The following ATG2B variants were observed in gnomAD, a reference collection of about 807,000 sequenced individuals.
ATG2B encodes the protein autophagy-related protein 2 homolog B.
In ATG2B, 121 loss-of-function variants were observed where a neutral mutation model predicts 241.3. The ratio of observed to expected loss-of-function variants is 0.50; its 90% CI spans 0.43 to 0.58. The LOEUF (loss-of-function observed/expected upper bound fraction) is 0.58. Ranked by LOEUF, ATG2B falls within the 20% of genes least tolerant of loss-of-function variation. The pLI is 0.00. For missense variants in ATG2B, 2,306 were observed against 2,491.6 expected (o/e 0.93, Z 1.59); for synonymous variants, 858 against 876.6 (o/e 0.98, Z 0.37).
At chr14:96,324,933 T>G (rs563465950) in intron 15 of ATG2B, among the ~76,000 whole-genome samples, 6 of 152,124 alleles carry the variant, frequency 3.9e-5, no homozygotes, top group Non-Finnish European at 5.9e-5. Context: ...AGAGAGGGTG[T>G]CGTGGCAGAG....
At position 96,290,310 on chromosome 14, in the gene ATG2B, T is replaced by C. The variant is rs1886449309; in HGVS notation, c.5856+126A>G. The C allele has an allele frequency of 7.5e-7, 1 of 1,332,750 alleles. No homozygotes were observed. Among genetic ancestry groups the C allele is most frequent in the Non-Finnish European group, 1.0e-6 (1 of 985,430 alleles). The allele number at this position is 1,332,750 out of a possible 1,614,324, so 82.6% of individuals were successfully genotyped here. A position where few individuals can be genotyped will look rare whatever the true frequency, so the allele number is the denominator to read the frequency against. On this transcript the variant is annotated intron_variant, in intron 40 of 41. Transcript: ENST00000359933. The surrounding 1 kb of genome is among the most constrained non-coding windows in gnomAD (Gnocchi z 4.4). The stretch of plus-strand genomic sequence containing the variant: ...GCAATAAAACAAGCATGACATTAAA[T>C]CACTACGAATAAAGTATCTACTCAC...
chr14:96,319,073 G>A (rs936882997), intron 18 of ATG2B, among the ~76,000 whole-genome samples: 8 of 152,158 alleles, frequency 5.3e-5, no homozygotes, highest in Non-Finnish European at 8.8e-5. Flanking sequence ...TGTGAATACC[G>A]GTCAAGGCGC....
chr14:96,328,474 G>A lies in ATG2B; in HGVS notation c.2036C>T (p.Pro679Leu), dbSNP rs1030647576. ...ACTGATATCCAGCTCACAACACACT[G>A]GATTTAATTTAATTTGCAATTCTGC... ...HKAELQIKLN[P>L]VCCELDISIV... Residue 679 changes from proline (P) to leucine (L), a missense_variant, in exon 14 of 42, where the codon CCA becomes CTA. Transcript: ENST00000359933. 8.7e-6 allele frequency: 14 copies of A among 1,612,654 alleles called. No homozygotes were observed. Among genetic ancestry groups the A allele is most frequent in the Non-Finnish European group, 1.0e-5 (12 of 1,179,778 alleles).
intron 30 of ATG2B, 117 bp downstream of exon 30, chr14:96,306,597 A>G: frequency 1.2e-6 from 1 of 831,630 alleles, no homozygotes. Context: ...TTAAAAAAAA[A>G]AAAGTAACTC....
At chr14:96,291,484 C>T in intron 38 of ATG2B, 116 bp downstream of exon 38, 1 of 632,448 alleles carries the variant, frequency 1.6e-6, no homozygotes, top group Non-Finnish European at 2.7e-6. Flanking sequence ...AAAATGAGCT[C>T]TCTAAATAAA....
chr14:96,358,791 G>A (rs1406043009), intron 1 of ATG2B, among the ~76,000 whole-genome samples: 1 of 151,582 alleles, frequency 6.6e-6, no homozygotes, highest in Non-Finnish European at 1.5e-5. Flanking sequence ...CTATGCTAAC[G>A]AGAAAATAAC....
chr14:96,349,412 A>C (rs927150593), intron 1 of ATG2B, among the ~76,000 whole-genome samples: 3 of 152,210 alleles, frequency 2.0e-5, no homozygotes, highest in Admixed American at 1.3e-4. Context: ...GGCTTTAAGC[A>C]AGGACGCCAT....
At chr14:96,354,110 G>A (rs1165340031) in intron 1 of ATG2B, among the ~76,000 whole-genome samples, 2 of 152,132 alleles carry the variant, frequency 1.3e-5, no homozygotes, top group African/African-American at 4.8e-5. Flanking sequence ...AGCAAACATG[G>A]TTAAAGACCA....
chr14:96,290,534 G>C lies in ATG2B; in HGVS notation c.5758C>G (p.Arg1920Gly). The C allele has an allele frequency of 1.2e-6, 2 of 1,614,154 alleles. No individual in the cohort carries two copies. The highest frequency in any genetic ancestry group is 1.7e-6 in the Non-Finnish European group (2 of 1,180,028). Reference protein sequence around the residue: ...LPIEQYRKDGRIVRGFQRGAA... With the variant: ...LPIEQYRKDGGIVRGFQRGAA... Reference sequence around the variant, plus strand: ...CCTCTCTGAAACCCTCTGACAATGCGGCCATCCTTCCGGTACTGCTCTATT... The same window carrying C: ...CCTCTCTGAAACCCTCTGACAATGCCGCCATCCTTCCGGTACTGCTCTATT... The change falls in exon 40 of 42, where the codon CGC becomes GGC. Residue 1920 changes from arginine (R) to glycine (G), a missense_variant. Arg to Gly is a moderately radical substitution (Grantham distance 125). Transcript: ENST00000359933. The surrounding 1 kb of genome is among the most constrained non-coding windows in gnomAD (Gnocchi z 4.4).
chr14:96,301,559 A>G (rs1188931356), intron 34 of ATG2B, among the ~76,000 whole-genome samples: 1 of 151,314 alleles, frequency 6.6e-6, no homozygotes, highest in Non-Finnish European at 1.5e-5. Flanking sequence ...TTTTTTAGGG[A>G]AAGTCTAAAT....
intron 34 of ATG2B, 65 bp downstream of exon 34, chr14:96,301,942 T>G: frequency 1.6e-6 from 2 of 1,244,304 alleles, no homozygotes; most frequent in Non-Finnish European, 2.3e-6. Flanking sequence ...ACATTACAAT[T>G]TCTTTATTCT....
At position 96,289,411 on chromosome 14, in the gene ATG2B, T is replaced by G. The variant is rs138406982; in HGVS notation, c.6006+245A>C. 4.1e-4 allele frequency: 161 copies of G among 394,250 alleles called. No homozygotes were observed. The East Asian group carries it at 7.3e-3, about 18-fold the overall frequency. The allele number at this position is 394,250 out of a possible 1,614,324, so 24.4% of individuals were successfully genotyped here. On this transcript the variant is annotated intron_variant, in intron 41 of 41. Coordinates refer to ENST00000359933, the MANE Select transcript of ATG2B (RefSeq NM_018036.7). This position sits in a 1 kb window ranked among gnomAD's most constrained non-coding sequence, Gnocchi z 4.3. ...TTTGTTTCTATCACTCCCTGAGTGC[T>G]TCTGCAGGTGAAGAGAGAGAATCCA...
intron 18 of ATG2B, among the ~76,000 whole-genome samples, chr14:96,320,411 A>G (rs1450118488): frequency 6.6e-6 from 1 of 152,172 alleles, no homozygotes; most frequent in East Asian, 1.9e-4. Context: ...TATCTCTGAA[A>G]AAATTTTTTT....
rs962770372 is a variant in ATG2B, at chr14:96,289,501, C to A, written c.6006+155G>T. 3.3e-5 allele frequency: 29 copies of A among 868,374 alleles called. No homozygotes were observed. Among genetic ancestry groups the A allele is most frequent in the African/African-American group, 5.1e-5 (3 of 59,198 alleles). 53.8% of individuals were successfully genotyped at this position (868,374 alleles called of 1,614,324 possible). ...GTCCCAGACTGGCCCTTTTCCATCACCTCACACAGATATGGGCACATGTTA... is the reference window on the plus strand; with the variant it reads ...GTCCCAGACTGGCCCTTTTCCATCAACTCACACAGATATGGGCACATGTTA... On this transcript the variant is annotated intron_variant, in intron 41 of 41. Transcript: ENST00000359933. The surrounding 1 kb of genome is among the most constrained non-coding windows in gnomAD (Gnocchi z 4.3).
intron 1 of ATG2B, among the ~76,000 whole-genome samples, chr14:96,358,928 G>C (rs148882315): frequency 1.3e-5 from 2 of 152,032 alleles, no homozygotes; most frequent in African/African-American, 4.8e-5. Context: ...TGAGTTTCAC[G>C]CATATAAACA....
At chr14:96,301,599 C>T (rs1293697616) in intron 34 of ATG2B, among the ~76,000 whole-genome samples, 17 of 152,124 alleles carry the variant, frequency 1.1e-4, no homozygotes, top group Non-Finnish European at 7.3e-5. Context: ...TTTATGTATA[C>T]CAATTTACTC....
chr14:96,342,197 A>G (rs1054332248), intron 5 of ATG2B, among the ~76,000 whole-genome samples: 2 of 152,148 alleles, frequency 1.3e-5, no homozygotes, highest in African/African-American at 4.8e-5. Context: ...GATTGTAAAA[A>G]AAAAAAAAAT....
intron 34 of ATG2B, among the ~76,000 whole-genome samples, chr14:96,299,394 A>G (rs1886729994): frequency 6.6e-6 from 1 of 152,218 alleles, no homozygotes; most frequent in Non-Finnish European, 1.5e-5. Context: ...ACCACAGCAC[A>G]TTAAAACTAT....
intron 6 of ATG2B, among the ~76,000 whole-genome samples, chr14:96,337,747 T>C (rs1452952243): frequency 6.6e-6 from 1 of 152,144 alleles, no homozygotes. Context: ...TAGTATTGTT[T>C]TGGCTGTGGT....
Sources: gnomAD v4.1 joint callset for allele counts (sites outside exome capture counted in the v4.1 genomes callset) on GRCh38, gnomAD v4.1.1 for gene constraint, Gnocchi (gnomAD v3.1) non-coding constraint, MANE v1.5 for transcripts, NCBI Gene and HGNC (gene_info 2026-07-23, HGNC 2026-07-21) for gene names.